Variants in MAF observed in about 807,000 individuals in gnomAD.
The protein encoded by MAF is MAF bZIP transcription factor.
A neutral mutation model predicts 22.0 loss-of-function variants in MAF; 10 were observed. That is an observed-to-expected ratio of 0.45 (90% CI 0.28 to 0.77). The LOEUF is 0.77. Among genes scored for constraint, MAF ranks in the 30% least tolerant of loss-of-function variants. The pLI is 0.12. For missense variants in MAF, 544 were observed against 548.4 expected, an observed-to-expected ratio of 0.99 and a Z score of 0.08; for synonymous variants, 337 against 255.8, an observed-to-expected ratio of 1.32 and a Z score of -3.03.
chr16:79,471,449 G>A, the MAF span, among the ~76,000 whole-genome samples: 10 of 152,148 alleles, frequency 6.6e-5, no homozygotes, highest in Non-Finnish European at 1.2e-4. Context: ...CTTGAGCCCA[G>A]GAGTTACAGC....
the MAF span, among the ~76,000 whole-genome samples, chr16:79,532,205 T>C: frequency 3.3e-5 from 5 of 152,208 alleles, no homozygotes; most frequent in Non-Finnish European, 7.3e-5. Context: ...CTCCAATTTC[T>C]TGGATGGAGT....
chr16:79,468,712 T>A, the MAF span, among the ~76,000 whole-genome samples: 130,345 of 152,104 alleles, frequency 0.86, 55,941 homozygotes, highest in East Asian at 0.98. Flanking sequence ...GCCTGGGAAG[T>A]TTCAAATCCT....
At chr16:79,212,062 G>T in the MAF span, 6 of 1,536,418 alleles carry the variant, frequency 3.9e-6, no homozygotes, top group Non-Finnish European at 5.2e-6. Context: ...AAACCTGCTT[G>T]GTGTGTAGGT....
chr16:79,430,438 C>T, the MAF span, among the ~76,000 whole-genome samples: 3 of 152,204 alleles, frequency 2.0e-5, no homozygotes, highest in Non-Finnish European at 2.9e-5. Context: ...CCAAAAGACA[C>T]ACTCCCTGAT....
At chr16:79,369,704 G>C in the MAF span, among the ~76,000 whole-genome samples, 1 of 152,240 alleles carries the variant, frequency 6.6e-6, no homozygotes, top group Non-Finnish European at 1.5e-5. Context: ...TCAGCCTAAT[G>C]TGTAGGGCCA....
At chr16:79,383,808 C>T in the MAF span, among the ~76,000 whole-genome samples, 1 of 152,042 alleles carries the variant, frequency 6.6e-6, no homozygotes, top group Non-Finnish European at 1.5e-5. Context: ...AGTGAGAAGG[C>T]TATCAGAATT....
the MAF span, among the ~76,000 whole-genome samples, chr16:79,274,923 A>AT: frequency 6.6e-6 from 1 of 152,214 alleles, no homozygotes; most frequent in African/African-American, 2.4e-5. Context: ...TAGCTGTGTG[A>AT]TTTTGTGTAT....
the MAF span, among the ~76,000 whole-genome samples, chr16:79,494,818 T>C: frequency 6.6e-6 from 1 of 152,200 alleles, no homozygotes; most frequent in Non-Finnish European, 1.5e-5. Context: ...AGTCTGGGCC[T>C]CTGGGACATC....
the MAF span, among the ~76,000 whole-genome samples, chr16:79,559,899 CCTATAT>C: frequency 2.0e-5 from 3 of 152,132 alleles, no homozygotes; most frequent in African/African-American, 7.2e-5. Flanking sequence ...GTGTTTCTCT[CCTATAT>C]CTATGTCACC....
At chr16:79,348,331 TAG>T in the MAF span, among the ~76,000 whole-genome samples, 1 of 152,200 alleles carries the variant, frequency 6.6e-6, no homozygotes, top group Non-Finnish European at 1.5e-5. Flanking sequence ...TCAGCAGGGA[TAG>T]ATAGTGGACA....
the MAF span, among the ~76,000 whole-genome samples, chr16:79,578,249 T>C: frequency 1.3e-5 from 2 of 152,180 alleles, no homozygotes; most frequent in African/African-American, 2.4e-5. Flanking sequence ...ACAGAATACA[T>C]TGATTTTTAT....
chr16:79,375,986 A>G, the MAF span, among the ~76,000 whole-genome samples: 1 of 152,178 alleles, frequency 6.6e-6, no homozygotes, highest in Non-Finnish European at 1.5e-5. Context: ...TTCACAATGG[A>G]AAACAAATCA....
chr16:79,573,783 G>C, the MAF span, among the ~76,000 whole-genome samples: 1,872 of 152,292 alleles, frequency 0.012, 30 homozygotes, highest in African/African-American at 0.043. Flanking sequence ...TTAACAGGCT[G>C]TCCAGGAAAG....
At chr16:79,478,992 T>C in the MAF span, among the ~76,000 whole-genome samples, 1 of 151,874 alleles carries the variant, frequency 6.6e-6, no homozygotes, top group Non-Finnish European at 1.5e-5. Context: ...AGCATACCTG[T>C]ATAGCATCCT....
the MAF span, chr16:79,229,328 T>C: frequency 6.6e-6 from 1 of 151,294 alleles, no homozygotes; most frequent in Non-Finnish European, 1.5e-5. Context: ...GGGATGGCCT[T>C]GTGGGCGCGA....
the MAF span, chr16:79,211,678 TCAA>T: frequency 1.2e-6 from 2 of 1,614,178 alleles, no homozygotes; most frequent in Non-Finnish European, 1.7e-6. Flanking sequence ...GGGATGTACT[TCAA>T]CAACTGCTGC....
At chr16:79,532,183 T>G in the MAF span, among the ~76,000 whole-genome samples, 1 of 152,158 alleles carries the variant, frequency 6.6e-6, no homozygotes, top group Non-Finnish European at 1.5e-5. Context: ...CTGACCCCAG[T>G]AGTGCATGGT....
At chr16:79,592,334 A>G (rs1271693458), downstream of MAF, among the ~76,000 whole-genome samples, 1 of 151,920 alleles carries the variant, frequency 6.6e-6, no homozygotes, top group Non-Finnish European at 1.5e-5. Context: ...CCTGTCCCCT[A>G]CCCCCGCTAG....
At chr16:79,318,156 G>A in the MAF span, among the ~76,000 whole-genome samples, 1 of 152,170 alleles carries the variant, frequency 6.6e-6, no homozygotes, top group Non-Finnish European at 1.5e-5. Context: ...GGAAGAGCAG[G>A]ACAGATTGGT....
Sources: allele counts gnomAD v4.1 joint callset (sites outside exome capture counted in the v4.1 genomes callset), GRCh38; gene constraint gnomAD v4.1.1; transcripts MANE v1.5; gene names NCBI Gene and HGNC (gene_info 2026-07-23, HGNC 2026-07-21).